Variants in RNF111 observed in about 807,000 individuals in gnomAD.
The protein encoded by RNF111 is E3 ubiquitin-protein ligase Arkadia.
Under a neutral mutation model 95.1 loss-of-function variants are expected in RNF111, and 17 were observed. That is an observed-to-expected ratio of 0.18 (90% CI 0.12 to 0.27). The LOEUF (loss-of-function observed/expected upper bound fraction) is 0.27. RNF111 is among the 10% of genes least tolerant of loss of function. The probability of loss-of-function intolerance (pLI) is 1.00; values close to 1 mark genes in which losing one functional copy is unlikely to be tolerated. For missense variants in RNF111, 1,189 were observed against 1,210.4 expected, an observed-to-expected ratio of 0.98 and a Z score of 0.26; for synonymous variants, 440 against 414.8, an observed-to-expected ratio of 1.06 and a Z score of -0.74.
At chr15:59,050,779 G>A (rs1227167609) in intron 2 of RNF111, among the ~76,000 whole-genome samples, 2 of 152,078 alleles carry the variant, frequency 1.3e-5, no homozygotes, top group African/African-American at 2.4e-5. Flanking sequence ...TTTGGTTAGA[G>A]CACTTAATGT....
At chr15:58,992,226 G>A (rs2038849967) in intron 1 of RNF111, among the ~76,000 whole-genome samples, 1 of 152,034 alleles carries the variant, frequency 6.6e-6, no homozygotes, top group Non-Finnish European at 1.5e-5. Context: ...TGTATTTTTA[G>A]TAGAAACGGT....
chr15:59,077,559 T>C (rs2078602705), intron 7 of RNF111, among the ~76,000 whole-genome samples: 1 of 152,232 alleles, frequency 6.6e-6, no homozygotes, highest in South Asian at 2.1e-4. Flanking sequence ...TGTTTTTAAA[T>C]TTAACAGTAT....
At chr15:58,999,039 T>C (rs2039212094) in intron 1 of RNF111, among the ~76,000 whole-genome samples, 1 of 152,208 alleles carries the variant, frequency 6.6e-6, no homozygotes, top group African/African-American at 2.4e-5. Context: ...CAAACTGCCT[T>C]TGTAAAGTTT....
chr15:59,055,990 T>G (rs2042186196), intron 4 of RNF111, 145 bp downstream of exon 4: 2 of 627,748 alleles, frequency 3.2e-6, no homozygotes, highest in Non-Finnish European at 5.0e-6. Flanking sequence ...TCGTTTTTAA[T>G]TGATATCCTA....
chr15:59,036,557 CA>C (rs1596156769), intron 2 of RNF111, among the ~76,000 whole-genome samples: 1 of 152,112 alleles, frequency 6.6e-6, no homozygotes, highest in East Asian at 1.9e-4. Flanking sequence ...ACCGTGAGAA[CA>C]TGGTATGTGG....
intron 5 of RNF111, among the ~76,000 whole-genome samples, chr15:59,059,636 G>T (rs1177087024): frequency 6.6e-6 from 1 of 152,028 alleles, no homozygotes. Context: ...CCTAATCCAG[G>T]GTCACAAAAA....
At chr15:58,996,043 A>T (rs1160023445) in intron 1 of RNF111, among the ~76,000 whole-genome samples, 1 of 152,090 alleles carries the variant, frequency 6.6e-6, no homozygotes, top group East Asian at 1.9e-4. Flanking sequence ...GTAATCACGT[A>T]AGACTCAGCA....
At chr15:59,028,195 G>A (rs1411338719) in intron 1 of RNF111, among the ~76,000 whole-genome samples, 2 of 152,148 alleles carry the variant, frequency 1.3e-5, no homozygotes, top group Non-Finnish European at 2.9e-5. Context: ...TTCTATCTAT[G>A]TAGATTTGCC....
chr15:59,080,799 C>T (rs2078718097), intron 7 of RNF111, 137 bp from the exon 8 acceptor site: 3 of 668,670 alleles, frequency 4.5e-6, no homozygotes, highest in Non-Finnish European at 7.4e-6. Context: ...TGAGCAGTTG[C>T]TTGAATACTT....
At chr15:59,026,917 C>T (rs575581058) in intron 1 of RNF111, among the ~76,000 whole-genome samples, 3 of 152,148 alleles carry the variant, frequency 2.0e-5, no homozygotes, top group Admixed American at 6.5e-5. Context: ...AAACCACCCC[C>T]CCTTGCTCTC....
At position 59,095,560 on chromosome 15, in the gene RNF111, A is replaced by T. The variant is rs1440725107; in HGVS notation, c.*660A>T. Reference sequence around the variant, plus strand: ...TCCTTTTCCTTTCAACACAGTGCAGATAAGAGTTGAATATTGATATCATAC... The same window carrying T: ...TCCTTTTCCTTTCAACACAGTGCAGTTAAGAGTTGAATATTGATATCATAC... On this transcript the variant is annotated 3_prime_UTR_variant, in exon 14 of 14. Coordinates refer to ENST00000348370, the MANE Select transcript of RNF111 (RefSeq NM_017610.8). 6.5e-6 allele frequency: 1 copy of T among 153,680 alleles called. No homozygotes were observed. Among genetic ancestry groups the T allele is most frequent in the East Asian group, 1.9e-4 (1 of 5,220 alleles). 9.5% of individuals were successfully genotyped at this position (153,680 alleles called of 1,614,324 possible). A position where few individuals can be genotyped will look rare whatever the true frequency, so the allele number is the denominator to read the frequency against.
intron 6 of RNF111, among the ~76,000 whole-genome samples, chr15:59,074,260 A>G (rs1455434876): frequency 1.3e-5 from 2 of 152,200 alleles, no homozygotes; most frequent in Admixed American, 6.5e-5. Flanking sequence ...ATTAGACCCT[A>G]ACAAGAATCA....
chr15:59,006,546 T>A (rs148345169), intron 1 of RNF111, among the ~76,000 whole-genome samples: 213 of 152,332 alleles, frequency 1.4e-3, no homozygotes, highest in African/African-American at 4.5e-3. Flanking sequence ...ATGAAAGAAT[T>A]GTACAGTGAA....
intron 2 of RNF111, chr15:59,050,328 C>T (rs1428935930): frequency 2.6e-5 from 4 of 152,352 alleles, no homozygotes; most frequent in Admixed American, 1.3e-4. Context: ...TCCATGTTTT[C>T]CAAAAGCCCT....
At position 59,081,052 on chromosome 15, in the gene RNF111, G is replaced by C; in HGVS notation, c.2065G>C (p.Val689Leu). The change falls in exon 8 of 14, where the codon GTA (valine) becomes CTA (leucine). Residue 689 changes from valine (V) to leucine (L), a missense_variant. Transcript: ENST00000348370. ...PQVDYVIPHP[V>L]HAFHSQISSH... ...AGTGGATTATGTTATTCCTCATCCT[G>C]TACATGCTTTCCATTCTCAAATATC... The C allele has an allele frequency of 6.2e-7, 1 of 1,614,036 alleles. No homozygotes were observed. Among genetic ancestry groups the C allele is most frequent in the Middle Eastern group, 1.6e-4 (1 of 6,062 alleles).
chr15:59,048,866 G>C (rs1431401217), intron 2 of RNF111, among the ~76,000 whole-genome samples: 1 of 152,060 alleles, frequency 6.6e-6, no homozygotes, highest in Admixed American at 6.6e-5. Context: ...GGTGGGAGGA[G>C]TATTACTTGA....
chr15:58,990,079 A>C (rs1303449137), intron 1 of RNF111, among the ~76,000 whole-genome samples: 3 of 152,218 alleles, frequency 2.0e-5, no homozygotes, highest in Non-Finnish European at 4.4e-5. Flanking sequence ...CTTATGAAAT[A>C]ATATAGGGCT....
In RNF111 at chr15:59,064,360, C is replaced by T. The variant is rs887373645; in HGVS notation, c.1367-2404C>T. Among the ~76,000 whole-genome samples, 4 of 151,626 alleles carry T rather than the reference C, an allele frequency of 2.6e-5. No individual in the cohort carries two copies. The East Asian group carries it at 7.7e-4, about 29-fold the overall frequency. ...ACCATCCTGGCTAACATGGTGAAAC[C>T]CCGTCTCTACTAAAAATACAAAAAA... On this transcript the variant is annotated intron_variant, in intron 5 of 13. Coordinates refer to ENST00000348370, the MANE Select transcript of RNF111 (RefSeq NM_017610.8).
At chr15:59,007,529 T>C (rs919621839) in intron 1 of RNF111, among the ~76,000 whole-genome samples, 1 of 152,234 alleles carries the variant, frequency 6.6e-6, no homozygotes, top group Non-Finnish European at 1.5e-5. Flanking sequence ...TGAACATTCA[T>C]ATACAAGTCT....
Sources: gnomAD v4.1 joint callset for allele counts (sites outside exome capture counted in the v4.1 genomes callset) on GRCh38, gnomAD v4.1.1 for gene constraint, MANE v1.5 for transcripts, NCBI Gene and HGNC (gene_info 2026-07-23, HGNC 2026-07-21) for gene names.